Variants in FAM178B observed in about 807,000 individuals in gnomAD.
FAM178B encodes the protein family with sequence similarity 178 member B, also known as protein FAM178B.
In FAM178B, 82 loss-of-function variants were observed where a neutral mutation model predicts 91.7. The observed-to-expected ratio is 0.89, with a 90% CI of 0.75 to 1.07. FAM178B has a LOEUF of 1.07. FAM178B is among the 50% of genes least tolerant of loss of function. The pLI, the probability that FAM178B is intolerant of heterozygous loss-of-function variation, is 0.00. For synonymous variants in FAM178B, 368 were observed against 359.4 expected (o/e 1.02, Z -0.27); for missense variants, 769 against 846.7 (o/e 0.91, Z 1.14).
intron 6 of FAM178B, among the ~76,000 whole-genome samples, chr2:96,954,304 A>G (rs531194069): frequency 6.6e-6 from 1 of 152,364 alleles, no homozygotes; most frequent in African/African-American, 2.4e-5. Context: ...CCATGACAGC[A>G]ATGACAGTGG....
chr2:96,986,320 G>A lies in FAM178B; in HGVS notation c.-7C>T, dbSNP rs543567171. On this transcript the variant is annotated 5_prime_UTR_variant, in exon 1 of 17. Transcript: ENST00000490605. Reference sequence around the variant, plus strand: ...CTGGAAGCCTTGGCCACATAGGGCGGGAAGGGCAGGGCTCCGGGGTGAGGG... The same window carrying A: ...CTGGAAGCCTTGGCCACATAGGGCGAGAAGGGCAGGGCTCCGGGGTGAGGG... The A allele has an allele frequency of 6.5e-7, 1 of 1,533,930 alleles. No homozygotes were observed. The highest frequency in any genetic ancestry group is 8.7e-7 in the Non-Finnish European group (1 of 1,146,700).
At chr2:96,924,920 G>T (rs1171609675) in intron 9 of FAM178B, among the ~76,000 whole-genome samples, 1 of 152,158 alleles carries the variant, frequency 6.6e-6, no homozygotes, top group South Asian at 2.1e-4. Context: ...GGGCTCAGAG[G>T]GGAAGGAGGA....
chr2:96,944,190 C>T (rs946961764), intron 8 of FAM178B, among the ~76,000 whole-genome samples: 15 of 143,550 alleles, frequency 1.0e-4, no homozygotes, highest in Non-Finnish European at 2.2e-4. Context: ...TGCAGTGGGC[C>T]GAGATTGTGC....
At chr2:96,884,044 T>C (rs997501200) in intron 14 of FAM178B, among the ~76,000 whole-genome samples, 123 of 152,294 alleles carry the variant, frequency 8.1e-4, no homozygotes, top group East Asian at 2.7e-3. Context: ...TGGTCTACCC[T>C]GGGCCCTTTC....
chr2:96,966,282 A>C (rs2153375346), intron 5 of FAM178B, among the ~76,000 whole-genome samples: 1 of 151,858 alleles, frequency 6.6e-6, no homozygotes, highest in South Asian at 2.1e-4. Flanking sequence ...ATCACAGCCC[A>C]CACCCTTCCC....
At chr2:96,966,107 G>C (rs913204013) in intron 5 of FAM178B, among the ~76,000 whole-genome samples, 1 of 151,976 alleles carries the variant, frequency 6.6e-6, no homozygotes, top group Admixed American at 6.5e-5. Context: ...GCCTCCAAGA[G>C]CCAGTGCCTG....
intron 12 of FAM178B, among the ~76,000 whole-genome samples, chr2:96,916,941 A>G (rs1334501618): frequency 6.6e-6 from 1 of 152,178 alleles, no homozygotes; most frequent in African/African-American, 2.4e-5. Context: ...GGCAGCCAGT[A>G]AGCTCTGTGG....
intron 14 of FAM178B, among the ~76,000 whole-genome samples, chr2:96,890,862 G>T (rs1198472385): frequency 1.3e-5 from 2 of 152,084 alleles, no homozygotes; most frequent in Non-Finnish European, 2.9e-5. Flanking sequence ...CTCTCACATG[G>T]CTGTACCAGA....
chr2:96,947,686 T>C, intron 8 of FAM178B, 132 bp downstream of exon 8: 3 of 570,194 alleles, frequency 5.3e-6, no homozygotes, highest in Non-Finnish European at 9.6e-6. Flanking sequence ...AAAGATGGCC[T>C]GATGCCTCTA....
chr2:96,944,576 G>A (rs1390009750), intron 8 of FAM178B, among the ~76,000 whole-genome samples: 1 of 152,208 alleles, frequency 6.6e-6, no homozygotes, highest in Non-Finnish European at 1.5e-5. Context: ...CGGAGAGGAA[G>A]TAGTGAGAAG....
At chr2:96,916,242 G>A (rs2081239158) in intron 12 of FAM178B, among the ~76,000 whole-genome samples, 1 of 152,220 alleles carries the variant, frequency 6.6e-6, no homozygotes, top group African/African-American at 2.4e-5. Context: ...CGCATCTCAT[G>A]AGCAGGGAAG....
intron 1 of FAM178B, among the ~76,000 whole-genome samples, chr2:96,978,226 T>C (rs892244679): frequency 6.6e-6 from 1 of 152,194 alleles, no homozygotes; most frequent in African/African-American, 2.4e-5. Context: ...ACATGCACCA[T>C]ACCAAATGTT....
intron 10 of FAM178B, 23 bp from the exon 11 acceptor site, chr2:96,921,677 G>T (rs1286203484): frequency 6.5e-7 from 1 of 1,549,922 alleles, no homozygotes; most frequent in Non-Finnish European, 8.7e-7. Context: ...AAGAGGGCAG[G>T]GGTGGCCAGG....
intron 12 of FAM178B, among the ~76,000 whole-genome samples, chr2:96,917,934 C>T (rs2081268855): frequency 6.6e-6 from 1 of 152,044 alleles, no homozygotes; most frequent in African/African-American, 2.4e-5. Flanking sequence ...CAAGTTAGAT[C>T]CTTCTCTCAT....
intron 7 of FAM178B, chr2:96,950,256 C>CTT: frequency 1.2e-6 from 1 of 834,686 alleles, no homozygotes; most frequent in Non-Finnish European, 1.4e-6. Context: ...GGGGCTGCAC[C>CTT]GCCAGCGTGG....
At chr2:96,932,504 G>A (rs764240287) in intron 8 of FAM178B, among the ~76,000 whole-genome samples, 2 of 152,246 alleles carry the variant, frequency 1.3e-5, no homozygotes, top group Non-Finnish European at 2.9e-5. Context: ...TGTCCCCGAT[G>A]AGGGCTTTCT....
intron 8 of FAM178B, among the ~76,000 whole-genome samples, chr2:96,935,379 C>A (rs1458837227): frequency 2.0e-5 from 3 of 152,112 alleles, no homozygotes; most frequent in Non-Finnish European, 4.4e-5. Context: ...CGGTCCAGCA[C>A]GGCTGGTAGA....
intron 14 of FAM178B, among the ~76,000 whole-genome samples, chr2:96,891,650 G>A (rs1460266885): frequency 1.3e-5 from 2 of 152,220 alleles, no homozygotes; most frequent in Admixed American, 1.3e-4. Flanking sequence ...AGAAAGTTGT[G>A]CCCTGGACAC....
intron 8 of FAM178B, among the ~76,000 whole-genome samples, chr2:96,946,533 G>A (rs1018605423): frequency 3.3e-5 from 5 of 152,234 alleles, no homozygotes; most frequent in Non-Finnish European, 7.3e-5. Context: ...TGGGCTCTCA[G>A]GTAGTGGCCA....
Sources: allele counts gnomAD v4.1 joint callset (sites outside exome capture counted in the v4.1 genomes callset), GRCh38; gene constraint gnomAD v4.1.1; transcripts MANE v1.5; gene names NCBI Gene and HGNC (gene_info 2026-07-23, HGNC 2026-07-21).